The following ARAP1 variants were observed in gnomAD, a reference collection of about 807,000 sequenced individuals.
The protein encoded by ARAP1 is arf-GAP with Rho-GAP domain, ANK repeat and PH domain-containing protein 1.
ARAP1 carries 76 observed loss-of-function variants against 172.2 expected under a neutral mutation model. The ratio of observed to expected loss-of-function variants is 0.44; its 90% confidence interval spans 0.37 to 0.53. ARAP1 has a LOEUF of 0.53. Among genes scored for constraint, ARAP1 ranks in the 20% least tolerant of loss-of-function variants. ARAP1 has a pLI of 0.00. For missense variants in ARAP1, 1,686 were observed against 1,977.5 expected, an observed-to-expected ratio of 0.85 and a Z score of 2.80; for synonymous variants, 804 against 803.3, an observed-to-expected ratio of 1.00 and a Z score of -0.01.
intron 3 of ARAP1, chr11:72,722,120 T>G: frequency 1.0e-6 from 1 of 985,408 alleles, no homozygotes; most frequent in South Asian, 4.7e-5. Context: ...TGTTTCTGTG[T>G]ATAACTGTGG....
At chr11:72,707,028 A>T in intron 12 of ARAP1, 147 bp downstream of exon 12, 1 of 848,330 alleles carries the variant, frequency 1.2e-6, no homozygotes, top group Non-Finnish European at 1.7e-6. Context: ...CTCAAAGCTA[A>T]TCACAGGTGT....
intron 2 of ARAP1, among the ~76,000 whole-genome samples, chr11:72,730,808 G>A (rs1457796564): frequency 6.6e-6 from 1 of 152,224 alleles, no homozygotes; most frequent in Non-Finnish European, 1.5e-5. Context: ...ACTAGCTACA[G>A]TGCCTGTGTT....
At chr11:72,688,127 T>C (rs1855770717) in intron 31 of ARAP1, among the ~76,000 whole-genome samples, 1 of 151,962 alleles carries the variant, frequency 6.6e-6, no homozygotes, top group South Asian at 2.1e-4. Context: ...GCCTCCTGAG[T>C]AGCGCGCCAC....
At chr11:72,713,096 T>C (rs1857105053) in intron 5 of ARAP1, 80 bp downstream of exon 5, 2 of 1,438,138 alleles carry the variant, frequency 1.4e-6, no homozygotes, top group Non-Finnish European at 1.9e-6. Context: ...ACTCTCTGTC[T>C]GGTAGTCCTC....
chr11:72,720,502 A>G (rs1469801457), intron 3 of ARAP1, among the ~76,000 whole-genome samples: 1 of 152,144 alleles, frequency 6.6e-6, no homozygotes, highest in Non-Finnish European at 1.5e-5. Flanking sequence ...CCCTAGGGCC[A>G]GTCCTCTCCA....
At chr11:72,705,944 A>G in intron 12 of ARAP1, 54 bp from the exon 13 acceptor site, 1 of 1,580,854 alleles carries the variant, frequency 6.3e-7, no homozygotes, top group South Asian at 1.1e-5. Context: ...TCACGGGAGC[A>G]CTTACCCACC....
intron 1 of ARAP1, among the ~76,000 whole-genome samples, chr11:72,737,560 C>T (rs2135585525): frequency 6.6e-6 from 1 of 152,268 alleles, no homozygotes; most frequent in South Asian, 2.1e-4. Context: ...CCTTCTTTCC[C>T]TAAATGCACA....
In ARAP1 at chr11:72,710,084, G is replaced by A; in HGVS notation, c.1417-108C>T. ...GTGCAACTCAGGGACTGGGGGGGGT[G>A]CCCAGGAGGGAGACAGCAGGGGACA... is the stretch of plus-strand genomic sequence containing the variant. On this transcript the variant is annotated intron_variant, in intron 10 of 34. Coordinates refer to ENST00000393609, the MANE Select transcript of ARAP1 (RefSeq NM_001040118.3). The surrounding 1 kb of genome is among the most constrained non-coding windows in gnomAD (Gnocchi z 4.3). The A allele has an allele frequency of 9.8e-7, 1 of 1,017,506 alleles. No individual in the cohort carries two copies. Among genetic ancestry groups the A allele is most frequent in the Non-Finnish European group, 1.5e-6 (1 of 654,086 alleles). 63.0% of individuals were successfully genotyped at this position (1,017,506 alleles called of 1,614,324 possible). A position where few individuals can be genotyped will look rare whatever the true frequency, so the allele number is the denominator to read the frequency against.
chr11:72,738,139 C>T (rs1858088986), intron 1 of ARAP1, among the ~76,000 whole-genome samples: 1 of 152,144 alleles, frequency 6.6e-6, no homozygotes, highest in Non-Finnish European at 1.5e-5. Flanking sequence ...CAGGTGGAGG[C>T]CATTCCAGGC....
In ARAP1 at chr11:72,701,775, G is replaced by A. The variant is rs371551738; in HGVS notation, c.2176C>T (p.Arg726Trp). 1.4e-5 allele frequency: 23 copies of A among 1,613,336 alleles called. No homozygotes were observed. The highest frequency in any genetic ancestry group is 6.7e-5 in the African/African-American group (5 of 74,910). Residue 726 changes from arginine (R) to tryptophan (W), a missense_variant, in exon 16 of 35, where the codon CGG becomes TGG. Physicochemically the swap from Arg to Trp is moderately radical, Grantham distance 101. Around this residue, in one of 5 missense-constraint regions of ARAP1, gnomAD observed 688 missense variants for 856.9 expected, o/e 0.80. Transcript: ENST00000393609. The stretch of plus-strand genomic sequence containing the variant: ...TCCAGGGGCTTCATCGAGTCCAGCC[G>A]AGGCACCTCTTTGTAGGCGGGGAAA... ...LRNNRTTEVP[R>W]LDSMKPLEKH...
At position 72,697,324 on chromosome 11, in the gene ARAP1, G is replaced by A. The variant is rs1177086237; in HGVS notation, c.2952C>T (p.Cys984=). 4.4e-6 allele frequency: 7 copies of A among 1,584,286 alleles called. No homozygotes were observed. Among genetic ancestry groups the A allele is most frequent in the African/African-American group, 1.3e-5 (1 of 74,464 alleles). The part of the protein sequence containing the change: ...VYRCVDYITQ[C]GLTSEGIYRK... ...TGGCACCCTAGGGGCAGGGCTCACC[G>A]CACTGCGTGATGTAGTCCACACAGC... The change falls in exon 21 of 35, where the codon TGC becomes TGT. Residue 984 remains cysteine (C), a splice_region_variant and synonymous_variant. Transcript: ENST00000393609.
chr11:72,711,650 T>A, intron 7 of ARAP1, 151 bp from the exon 8 acceptor site: 3 of 622,754 alleles, frequency 4.8e-6, no homozygotes, highest in Non-Finnish European at 8.6e-6. Flanking sequence ...GAAGATGGAC[T>A]TTACAGCAAG....
At chr11:72,730,449 C>A (rs921432943) in intron 2 of ARAP1, among the ~76,000 whole-genome samples, 2 of 152,102 alleles carry the variant, frequency 1.3e-5, no homozygotes, top group South Asian at 2.1e-4. Flanking sequence ...CTGGGCTGGG[C>A]GCGGTGGCTC....
intron 1 of ARAP1, among the ~76,000 whole-genome samples, chr11:72,748,287 C>T (rs1428493312): frequency 6.6e-6 from 1 of 152,034 alleles, no homozygotes; most frequent in African/African-American, 2.4e-5. Flanking sequence ...TTTGGGAGGC[C>T]AAGGCGGGCG....
intron 1 of ARAP1, among the ~76,000 whole-genome samples, chr11:72,734,512 T>C (rs1448350454): frequency 6.6e-6 from 1 of 152,126 alleles, no homozygotes; most frequent in African/African-American, 2.4e-5. Flanking sequence ...AAACGACAAT[T>C]TGAAACAAGA....
intron 31 of ARAP1, 68 bp from the exon 32 acceptor site, chr11:72,687,806 G>A: frequency 2.5e-6 from 4 of 1,579,398 alleles, no homozygotes; most frequent in Non-Finnish European, 3.5e-6. Flanking sequence ...CCAGTTCCCA[G>A]GACAGAGCCC....
At chr11:72,736,157 T>C (rs1315917558) in intron 1 of ARAP1, among the ~76,000 whole-genome samples, 4 of 152,260 alleles carry the variant, frequency 2.6e-5, no homozygotes, top group Non-Finnish European at 4.4e-5. Flanking sequence ...TAATTTTTAT[T>C]TTTTAAATGG....
At chr11:72,714,411 A>G (rs1237867603) in intron 3 of ARAP1, 90 bp from the exon 4 acceptor site, 52 of 1,297,414 alleles carry the variant, frequency 4.0e-5, no homozygotes, top group Non-Finnish European at 5.1e-5. Flanking sequence ...CTGCAGCAAA[A>G]CTCAGGCACT....
rs764201350 is a variant in ARAP1 at position 72,695,673 on chromosome 11, C to T, written c.3420+45G>A. ...AGGGACAGGTGGTCACCGTCATCTG[C>T]AAGGATCACCCCTGCCCTCCACTGC... is the stretch of plus-strand genomic sequence containing the variant. On this transcript the variant is annotated intron_variant, in intron 24 of 34. Coordinates refer to ENST00000393609, the MANE Select transcript of ARAP1 (RefSeq NM_001040118.3). The surrounding 1 kb of genome is among the most constrained non-coding windows in gnomAD (Gnocchi z 4.4). 1 of 1,614,066 alleles carries T rather than the reference C, an allele frequency of 6.2e-7. No individual in the cohort carries two copies. The highest frequency in any genetic ancestry group is 2.2e-5 in the East Asian group (1 of 44,878).
Sources: allele counts gnomAD v4.1 joint callset (sites outside exome capture counted in the v4.1 genomes callset), GRCh38; gene constraint gnomAD v4.1.1; regional missense constraint gnomAD v4.1.1; non-coding constraint Gnocchi (gnomAD v3.1); transcripts MANE v1.5; gene names NCBI Gene and HGNC (gene_info 2026-07-23, HGNC 2026-07-21).